The following GAP43 variants were observed in gnomAD, a reference collection of about 807,000 sequenced individuals.
GAP43 encodes the protein neuromodulin.
A neutral mutation model predicts 18.6 loss-of-function variants in GAP43; 6 were observed. That is an observed-to-expected ratio of 0.32 (90% CI 0.18 to 0.64). The LOEUF is 0.64. GAP43 is among the 30% of genes least tolerant of loss of function. The probability of loss-of-function intolerance (pLI) is 0.78; values close to 1 mark genes in which losing one functional copy is unlikely to be tolerated. For missense variants in GAP43, 292 were observed against 295.5 expected (o/e 0.99, Z 0.09); for synonymous variants, 115 against 111.4 (o/e 1.03, Z -0.20).
At position 115,683,142 on chromosome 3, in the gene GAP43, C is replaced by T. The variant is rs550303876; in HGVS notation, c.628+6532C>T. On this transcript the variant is annotated intron_variant, in intron 2 of 2. Transcript: ENST00000305124. The stretch of plus-strand genomic sequence containing the variant: ...ATACATGTGCGCGCGCGTGCGCGCG[C>T]GCGCGCACACACACACACACACACA... Among the ~76,000 whole-genome samples, 114 of 122,982 alleles carry T rather than the reference C, an allele frequency of 9.3e-4. 2 individuals are homozygous for T. The highest frequency in any genetic ancestry group is 2.6e-3 in the South Asian group (10 of 3,856). The allele number at this position is 122,982 out of a possible 152,430, so 80.7% of individuals were successfully genotyped here.
At chr3:115,653,329 C>T (rs78738498) in intron 1 of GAP43, among the ~76,000 whole-genome samples, 47,523 of 151,730 alleles carry the variant, frequency 0.31, 8,839 homozygotes, top group Non-Finnish European at 0.43. Context: ...GTAATCCCAC[C>T]TACTTGGGAG....
At chr3:115,696,653 CCCT>C (rs1241651896) in intron 2 of GAP43, among the ~76,000 whole-genome samples, 1 of 147,488 alleles carries the variant, frequency 6.8e-6, no homozygotes, top group African/African-American at 2.5e-5. Flanking sequence ...CTCAAAACCT[CCCT>C]CCTCTAGAAA....
rs1161657823 is a variant in GAP43 at position 115,648,127 on chromosome 3, C to T, written c.30+24408C>T. Among the ~76,000 whole-genome samples, 3 of 152,064 alleles carry T rather than the reference C, an allele frequency of 2.0e-5. No homozygotes were observed. In the East Asian group the frequency reaches 5.8e-4, roughly 29 times the overall value. ...TAGTCTAGGCTGTATGACAGTGTGA[C>T]AAGGCTCGTCATGGAAGTAGTCCTT... On this transcript the variant is annotated intron_variant, in intron 1 of 2. Transcript: ENST00000305124.
chr3:115,636,649 A>G (rs1708334188), intron 1 of GAP43, among the ~76,000 whole-genome samples: 1 of 152,130 alleles, frequency 6.6e-6, no homozygotes, highest in African/African-American at 2.4e-5. Flanking sequence ...GGCTAATCTT[A>G]CGTTTAATCC....
At chr3:115,708,884 G>A (rs1462983911) in intron 2 of GAP43, among the ~76,000 whole-genome samples, 1 of 146,858 alleles carries the variant, frequency 6.8e-6, no homozygotes, top group Non-Finnish European at 1.5e-5. Context: ...GAGATGTAGA[G>A]TTGTAGAATA....
At chr3:115,693,695 G>A (rs1709144047) in intron 2 of GAP43, among the ~76,000 whole-genome samples, 1 of 151,810 alleles carries the variant, frequency 6.6e-6, no homozygotes, top group Non-Finnish European at 1.5e-5. Context: ...AAAGGGGTGG[G>A]GGAGTGCTGA....
rs542173100 is a variant in GAP43 at position 115,625,663 on chromosome 3, A to G, written c.30+1944A>G. Among the ~76,000 whole-genome samples, 13 of 152,300 alleles carry G rather than the reference A, an allele frequency of 8.5e-5. No individual in the cohort carries two copies. In the East Asian group the frequency reaches 2.5e-3, roughly 29 times the overall value. Reference sequence around the variant, plus strand: ...AAAGGAAATCATGTATGATTTTTAGAAAAGGAATTAGGGCTAAAGGAATTC... The same window carrying G: ...AAAGGAAATCATGTATGATTTTTAGGAAAGGAATTAGGGCTAAAGGAATTC... On this transcript the variant is annotated intron_variant, in intron 1 of 2. Transcript: ENST00000305124.
intron 1 of GAP43, among the ~76,000 whole-genome samples, chr3:115,627,404 C>T (rs1708203691): frequency 6.6e-6 from 1 of 151,088 alleles, no homozygotes. Context: ...CTACAGAAAC[C>T]TCCTTTGATG....
intron 1 of GAP43, among the ~76,000 whole-genome samples, chr3:115,666,390 C>A (rs910694570): frequency 6.6e-6 from 1 of 152,140 alleles, no homozygotes; most frequent in Non-Finnish European, 1.5e-5. Context: ...TACCTACAAT[C>A]ATCAGGATGA....
intron 2 of GAP43, among the ~76,000 whole-genome samples, chr3:115,677,848 G>T (rs1055719802): frequency 1.3e-5 from 2 of 152,120 alleles, no homozygotes; most frequent in Non-Finnish European, 2.9e-5. Context: ...CTTTTACCTT[G>T]ATATACATTT....
intron 1 of GAP43, 64 bp downstream of exon 1, chr3:115,623,783 A>G (rs1708147095): frequency 6.3e-7 from 1 of 1,578,316 alleles, no homozygotes. Context: ...ATTTCCCCGT[A>G]AAGGCAAACA....
intron 1 of GAP43, among the ~76,000 whole-genome samples, chr3:115,650,787 G>T (rs1000754686): frequency 2.0e-5 from 3 of 151,902 alleles, no homozygotes; most frequent in Non-Finnish European, 4.4e-5. Flanking sequence ...TCTTACTCTA[G>T]TCTTACTCCT....
chr3:115,639,971 C>T (rs1173501461), intron 1 of GAP43, among the ~76,000 whole-genome samples: 2 of 151,990 alleles, frequency 1.3e-5, no homozygotes, highest in African/African-American at 4.8e-5. Context: ...AGCTAAATAA[C>T]ATAGAAATTA....
chr3:115,649,564 A>T (rs1708498217), intron 1 of GAP43, among the ~76,000 whole-genome samples: 1 of 152,140 alleles, frequency 6.6e-6, no homozygotes, highest in Non-Finnish European at 1.5e-5. Flanking sequence ...TCAAATGTTT[A>T]GATCTCAGCA....
At chr3:115,688,035 G>A (rs1407097011) in intron 2 of GAP43, among the ~76,000 whole-genome samples, 1 of 151,730 alleles carries the variant, frequency 6.6e-6, no homozygotes, top group Non-Finnish European at 1.5e-5. Flanking sequence ...ATTTATGTTT[G>A]AGATGGAGTC....
chr3:115,661,977 CTAAAGTTTGTTT>C (rs978901918), intron 1 of GAP43, among the ~76,000 whole-genome samples: 1 of 149,650 alleles, frequency 6.7e-6, no homozygotes, highest in African/African-American at 2.5e-5. Flanking sequence ...ATGGGAATGT[CTAAAGTTTGTTT>C]TTGGTGGGGG....
At chr3:115,692,990 A>G (rs1008597973) in intron 2 of GAP43, among the ~76,000 whole-genome samples, 3 of 152,214 alleles carry the variant, frequency 2.0e-5, no homozygotes, top group African/African-American at 7.2e-5. Flanking sequence ...TTGCACTGCT[A>G]TGCAGTTTGC....
At chr3:115,671,045 AT>A (rs1186387127) in intron 1 of GAP43, among the ~76,000 whole-genome samples, 1 of 152,218 alleles carries the variant, frequency 6.6e-6, no homozygotes, top group Non-Finnish European at 1.5e-5. Flanking sequence ...CCAAGTTTTA[AT>A]TTGCTTGGAA....
chr3:115,658,713 C>G (rs941622231), intron 1 of GAP43: 1 of 152,326 alleles, frequency 6.6e-6, no homozygotes, highest in Admixed American at 6.5e-5. Flanking sequence ...CTCTTGCTCC[C>G]CGAACACCCG....
Sources: allele counts gnomAD v4.1 joint callset (sites outside exome capture counted in the v4.1 genomes callset), GRCh38; gene constraint gnomAD v4.1.1; transcripts MANE v1.5; gene names NCBI Gene and HGNC (gene_info 2026-07-23, HGNC 2026-07-21).